The following TSC22D1 variants were observed in gnomAD, a reference collection of about 807,000 sequenced individuals.
TSC22D1 encodes the protein TSC22 domain family protein 1.
TSC22D1 carries 9 observed loss-of-function variants against 74.2 expected under a neutral mutation model. The observed-to-expected ratio is 0.12, with a 90% confidence interval of 0.07 to 0.21. The LOEUF is 0.21. Ranked by LOEUF, TSC22D1 falls within the 10% of genes least tolerant of loss-of-function variation. The pLI is 1.00. For missense variants in TSC22D1, 1,427 were observed against 1,304.7 expected, an observed-to-expected ratio of 1.09 and a Z score of -1.44; for synonymous variants, 586 against 492.5, an observed-to-expected ratio of 1.19 and a Z score of -2.51.
chr13:44,561,597 A>C (rs1285107431), intron 1 of TSC22D1, among the ~76,000 whole-genome samples: 1 of 152,162 alleles, frequency 6.6e-6, no homozygotes, highest in Non-Finnish European at 1.5e-5. Context: ...AAAATGACTT[A>C]CTAAACCCAG....
chr13:44,520,312 A>C (rs1011188118), intron 1 of TSC22D1, among the ~76,000 whole-genome samples: 1 of 152,332 alleles, frequency 6.6e-6, no homozygotes, highest in East Asian at 1.9e-4. Flanking sequence ...AAGTGTGAAG[A>C]GAGAATGTAG....
intron 1 of TSC22D1, among the ~76,000 whole-genome samples, chr13:44,549,187 T>C (rs760395859): frequency 2.0e-5 from 3 of 152,170 alleles, no homozygotes; most frequent in Admixed American, 6.5e-5. Flanking sequence ...GAAAAGGTCA[T>C]TGCCTTATCT....
chr13:44,489,999 T>C (rs1259973012), intron 1 of TSC22D1, among the ~76,000 whole-genome samples: 1 of 152,134 alleles, frequency 6.6e-6, no homozygotes, highest in Non-Finnish European at 1.5e-5. Flanking sequence ...AAGACGAACA[T>C]ACACAAACCT....
chr13:44,461,261 T>C (rs1876982257), intron 1 of TSC22D1, among the ~76,000 whole-genome samples: 1 of 152,236 alleles, frequency 6.6e-6, no homozygotes. Context: ...ATAGCTGACC[T>C]GGAATATGAA....
rs374007261 is a variant in TSC22D1, at chr13:44,562,248, C to T, written c.2912+10915G>A. Among the ~76,000 whole-genome samples, 51 of 152,176 alleles carry T rather than the reference C, an allele frequency of 3.4e-4. 1 individual carries two copies. In the East Asian group the frequency reaches 6.0e-3, roughly 18 times the overall value. On this transcript the variant is annotated intron_variant, in intron 1 of 2. Transcript: ENST00000458659. The stretch of plus-strand genomic sequence containing the variant: ...TTGTAGAGATAGGGTACCATGTTGC[C>T]CAGACTGGTCTCAAACTCCTGGACT...
At chr13:44,532,196 C>T (rs1880876351) in intron 1 of TSC22D1, among the ~76,000 whole-genome samples, 1 of 152,172 alleles carries the variant, frequency 6.6e-6, no homozygotes, top group Non-Finnish European at 1.5e-5. Flanking sequence ...CTTTTATAAG[C>T]TGTGCAAAAT....
At chr13:44,536,272 C>T (rs1416836832) in intron 1 of TSC22D1, among the ~76,000 whole-genome samples, 2 of 151,850 alleles carry the variant, frequency 1.3e-5, no homozygotes, top group African/African-American at 4.8e-5. Context: ...TTGCCTAGGA[C>T]CCCATCTTAA....
intron 1 of TSC22D1, among the ~76,000 whole-genome samples, chr13:44,530,383 A>G (rs1880768587): frequency 1.3e-5 from 2 of 152,018 alleles, no homozygotes; most frequent in Non-Finnish European, 2.9e-5. Flanking sequence ...CACAAACCTT[A>G]CCCCTTTCAC....
chr13:44,514,675 C>T (rs1389775453), intron 1 of TSC22D1, among the ~76,000 whole-genome samples: 1 of 152,116 alleles, frequency 6.6e-6, no homozygotes, highest in African/African-American at 2.4e-5. Flanking sequence ...GCCTGGCCAA[C>T]AAGGTGAAAC....
intron 1 of TSC22D1, among the ~76,000 whole-genome samples, chr13:44,526,984 A>G (rs1241745776): frequency 2.0e-5 from 3 of 152,208 alleles, no homozygotes; most frequent in African/African-American, 7.2e-5. Context: ...AGGAACAAGG[A>G]TAAGAATTAC....
intron 1 of TSC22D1, among the ~76,000 whole-genome samples, chr13:44,530,014 T>C (rs556317798): frequency 6.6e-6 from 1 of 152,254 alleles, no homozygotes; most frequent in Non-Finnish European, 1.5e-5. Flanking sequence ...GATCTTTAGA[T>C]TCAGTGCAAT....
chr13:44,555,104 C>G (rs1463169461), intron 1 of TSC22D1, among the ~76,000 whole-genome samples: 5 of 148,974 alleles, frequency 3.4e-5, no homozygotes, highest in Non-Finnish European at 5.9e-5. Context: ...GGAAAGATAA[C>G]TAGACCTCTA....
At position 44,575,893 on chromosome 13, in the gene TSC22D1, G is replaced by A; in HGVS notation, c.182C>T (p.Pro61Leu). 2 of 1,613,964 alleles carry A rather than the reference G, an allele frequency of 1.2e-6. No homozygotes were observed. Among genetic ancestry groups the A allele is most frequent in the South Asian group, 1.1e-5 (1 of 91,084 alleles). Residue 61 changes from proline (P) to leucine (L), a missense_variant, in exon 1 of 3, where the codon CCG becomes CTG. Physicochemically the swap from Pro to Leu is moderately conservative, Grantham distance 98. Transcript: ENST00000458659. ...AGGGGGCGGCGGCTGAAGCAGCGAC[G>A]GAGGCGGAAAATCCTCGGAAGATGT... ...NATSSEDFPP[P>L]SLLQPPPPAA...
intron 2 of TSC22D1, chr13:44,435,138 C>G: frequency 2.5e-6 from 1 of 407,174 alleles, no homozygotes; most frequent in Non-Finnish European, 4.4e-6. Context: ...AGTAAGGCTT[C>G]CTGAGACTGG....
intron 2 of TSC22D1, 183 bp from the exon 3 acceptor site, chr13:44,435,066 T>G: frequency 1.7e-6 from 1 of 583,626 alleles, no homozygotes; most frequent in South Asian, 2.2e-5. Context: ...GAGTTTAACG[T>G]ATAAATGATC....
intron 1 of TSC22D1, among the ~76,000 whole-genome samples, chr13:44,452,268 G>C (rs1372897836): frequency 6.6e-6 from 1 of 152,146 alleles, no homozygotes; most frequent in Non-Finnish European, 1.5e-5. Flanking sequence ...AGAGTTGGTG[G>C]CAACTACTCG....
intron 1 of TSC22D1, chr13:44,436,745 C>T (rs1008011710): frequency 2.7e-6 from 4 of 1,485,792 alleles, no homozygotes; most frequent in African/African-American, 2.8e-5. Flanking sequence ...AAACGGCAGC[C>T]CTAATTTAAA....
intron 1 of TSC22D1, among the ~76,000 whole-genome samples, chr13:44,489,439 GA>G (rs1189886415): frequency 6.6e-6 from 1 of 151,850 alleles, no homozygotes; most frequent in Non-Finnish European, 1.5e-5. Flanking sequence ...ATGGAGAGAA[GA>G]GATATTTGTT....
At chr13:44,539,627 G>T in intron 1 of TSC22D1, 1 of 1,142,112 alleles carries the variant, frequency 8.8e-7, no homozygotes, top group Non-Finnish European at 1.1e-6. Flanking sequence ...GTACTAGTTA[G>T]CATTCTCAGA....
Sources: gnomAD v4.1 joint callset for allele counts (sites outside exome capture counted in the v4.1 genomes callset) on GRCh38, gnomAD v4.1.1 for gene constraint, MANE v1.5 for transcripts, NCBI Gene and HGNC (gene_info 2026-07-23, HGNC 2026-07-21) for gene names.